Variants in CIP2A observed in about 807,000 individuals in gnomAD.
The protein encoded by CIP2A is cellular inhibitor of PP2A.
A neutral mutation model predicts 110.9 loss-of-function variants in CIP2A; 103 were observed. That is an observed-to-expected ratio of 0.93 (90% CI 0.79 to 1.09). The LOEUF (loss-of-function observed/expected upper bound fraction) is 1.09, where lower values mean the gene tolerates loss of function less well. Ranked by LOEUF, CIP2A falls within the 50% of genes least tolerant of loss-of-function variation. CIP2A has a pLI of 0.00. For missense variants in CIP2A, 1,088 were observed against 1,038.4 expected (o/e 1.05, Z -0.66); for synonymous variants, 381 against 361.6 (o/e 1.05, Z -0.61).
chr3:108,574,001 T>C (rs997698361), intron 8 of CIP2A, among the ~76,000 whole-genome samples: 4 of 152,066 alleles, frequency 2.6e-5, no homozygotes, highest in Admixed American at 6.6e-5. Flanking sequence ...CTTTGTGACT[T>C]TGTAATAGGC....
chr3:108,585,041 A>C, intron 2 of CIP2A, 24 bp downstream of exon 2: 1 of 1,592,132 alleles, frequency 6.3e-7, no homozygotes, highest in South Asian at 1.1e-5. Flanking sequence ...CCAAAAACTA[A>C]AAAGGAGAAA....
At position 108,584,113 on chromosome 3, in the gene CIP2A, C is replaced by A. The variant is rs564368098; in HGVS notation, c.250+952G>T. On this transcript the variant is annotated intron_variant, in intron 2 of 20. Transcript: ENST00000295746. The stretch of plus-strand genomic sequence containing the variant: ...TAATGGAATTTATCTAATAGAAACA[C>A]ACTAATATTTGAGCAAAATTACATA... Among the ~76,000 whole-genome samples, 5 of 152,240 alleles carry A rather than the reference C, an allele frequency of 3.3e-5. No individual in the cohort carries two copies. The South Asian group carries it at 8.3e-4, about 25-fold the overall frequency.
rs1052484982 is a variant in CIP2A, at chr3:108,551,088, C to T, written c.*61G>A. 7 of 679,514 alleles carry T rather than the reference C, an allele frequency of 1.0e-5. No individual in the cohort carries two copies. Among genetic ancestry groups the T allele is most frequent in the African/African-American group, 1.8e-5 (1 of 54,484 alleles). 42.1% of individuals were successfully genotyped at this position (679,514 alleles called of 1,614,324 possible). Reference sequence around the variant, plus strand: ...AAATTAACTCCCCTACCCACCCCCCCTCCAATAGATAAATACATCAAAAAT... The same window carrying T: ...AAATTAACTCCCCTACCCACCCCCCTTCCAATAGATAAATACATCAAAAAT... On this transcript the variant is annotated 3_prime_UTR_variant, in exon 21 of 21. Coordinates refer to ENST00000295746, the MANE Select transcript of CIP2A (RefSeq NM_020890.3).
intron 13 of CIP2A, 77 bp downstream of exon 13, chr3:108,563,049 T>A (rs565821217): frequency 2.3e-6 from 2 of 855,904 alleles, no homozygotes; most frequent in East Asian, 2.4e-5. Context: ...TGCTTGTGTA[T>A]CTATACTGAG....
At chr3:108,579,899 A>G (rs1203174675) in intron 5 of CIP2A, among the ~76,000 whole-genome samples, 1 of 152,202 alleles carries the variant, frequency 6.6e-6, no homozygotes, top group African/African-American at 2.4e-5. Flanking sequence ...GAGAGTACCT[A>G]CAGAAAAAAA....
chr3:108,575,242 G>T (rs899925244), intron 8 of CIP2A, among the ~76,000 whole-genome samples: 3 of 151,720 alleles, frequency 2.0e-5, no homozygotes, highest in African/African-American at 7.3e-5. Flanking sequence ...TTTATACAAA[G>T]TTCCAAAATA....
Position 108,563,466 on chromosome 3 carries a change from G to A in CIP2A, c.1516-222C>T, listed in dbSNP as rs955292302. ...CAATATGAACAGTTTAAAAAAATCT[G>A]GCAAAGGTTTTGAATGCTTTCAAAT... On this transcript the variant is annotated intron_variant, in intron 12 of 20. Coordinates refer to ENST00000295746, the MANE Select transcript of CIP2A (RefSeq NM_020890.3). Among the ~76,000 whole-genome samples, 3 of 151,890 alleles carry A rather than the reference G, an allele frequency of 2.0e-5. No homozygotes were observed. In the East Asian group the frequency reaches 5.8e-4, roughly 29 times the overall value.
At chr3:108,573,101 T>C (rs577923615) in intron 8 of CIP2A, among the ~76,000 whole-genome samples, 21 of 152,188 alleles carry the variant, frequency 1.4e-4, no homozygotes, top group African/African-American at 5.1e-4. Context: ...TTATATTAAT[T>C]TCTAAATGTT....
intron 1 of CIP2A, among the ~76,000 whole-genome samples, chr3:108,586,605 T>C (rs1939048317): frequency 6.6e-6 from 1 of 152,228 alleles, no homozygotes; most frequent in South Asian, 2.1e-4. Context: ...GGCATCGATC[T>C]AGGCACTTTA....
At chr3:108,554,258 T>A (rs938462722) in intron 18 of CIP2A, 118 bp downstream of exon 18, 2 of 552,042 alleles carry the variant, frequency 3.6e-6, no homozygotes, top group Non-Finnish European at 6.4e-6. Flanking sequence ...ATATCTTATA[T>A]CTAAAATAAG....
At chr3:108,574,217 G>A (rs1049194303) in intron 8 of CIP2A, among the ~76,000 whole-genome samples, 1 of 151,816 alleles carries the variant, frequency 6.6e-6, no homozygotes, top group Non-Finnish European at 1.5e-5. Flanking sequence ...AAACAGACAC[G>A]TCAAAGAACA....
rs1938901756 is a variant in CIP2A, at chr3:108,582,113, A to C, written c.447T>G (p.Asp149Glu). 7.1e-7 allele frequency: 1 copy of C among 1,399,052 alleles called. No homozygotes were observed. Among genetic ancestry groups the C allele is most frequent in the African/African-American group, 1.4e-5 (1 of 69,440 alleles). The allele number at this position is 1,399,052 out of a possible 1,614,324, so 86.7% of individuals were successfully genotyped here. A position where few individuals can be genotyped will look rare whatever the true frequency, so the allele number is the denominator to read the frequency against. ...NIDELITFLI[D>E]HIQSSEDELK... ...ATGTTTGATTGCATACTCACATGTG[A>C]TCTATCAGGAACGTAATTAATTCAT... is the stretch of plus-strand genomic sequence containing the variant. Residue 149 changes from aspartate (D) to glutamate (E), a missense_variant, in exon 4 of 21, where the codon GAT (aspartate) becomes GAG (glutamate). Physicochemically the swap from Asp to Glu is conservative, Grantham distance 45. Transcript: ENST00000295746.
Position 108,566,781 on chromosome 3 carries a change from C to T in CIP2A, c.1274-143G>A, listed in dbSNP as rs1417656733. On this transcript the variant is annotated intron_variant, in intron 10 of 20. Transcript: ENST00000295746. The stretch of plus-strand genomic sequence containing the variant: ...ATTAGCTCAATGACAAACAAGGAAA[C>T]TGAAACTCACACAATTTAAATGACT... 7.1e-5 allele frequency: 37 copies of T among 523,254 alleles called. No individual in the cohort carries two copies. The Admixed American group carries it at 1.6e-3, about 22-fold the overall frequency. The allele number at this position is 523,254 out of a possible 1,614,324, so 32.4% of individuals were successfully genotyped here. A position where few individuals can be genotyped will look rare whatever the true frequency, so the allele number is the denominator to read the frequency against.
chr3:108,562,896 T>A (rs1038407116), intron 13 of CIP2A, among the ~76,000 whole-genome samples: 4 of 152,142 alleles, frequency 2.6e-5, no homozygotes, highest in African/African-American at 9.6e-5. Context: ...CATAGAGGGA[T>A]AGTACCTGAA....
At chr3:108,561,266 C>T (rs1937996896) in intron 13 of CIP2A, among the ~76,000 whole-genome samples, 1 of 152,150 alleles carries the variant, frequency 6.6e-6, no homozygotes, top group Non-Finnish European at 1.5e-5. Context: ...CTCTCTTTCT[C>T]CTACCTCAGG....
intron 5 of CIP2A, among the ~76,000 whole-genome samples, chr3:108,580,331 G>A (rs1033959099): frequency 3.9e-5 from 6 of 152,028 alleles, no homozygotes; most frequent in Non-Finnish European, 7.4e-5. Flanking sequence ...TCTTGGTGAA[G>A]AGCAGTTTCT....
chr3:108,553,523 G>T, intron 19 of CIP2A, 125 bp downstream of exon 19: 1 of 796,510 alleles, frequency 1.3e-6, no homozygotes, highest in Non-Finnish European at 1.9e-6. Context: ...GAAAAGGGAA[G>T]CCATTCCAAA....
At chr3:108,551,849 G>A (rs1295340576) in intron 20 of CIP2A, among the ~76,000 whole-genome samples, 3 of 152,052 alleles carry the variant, frequency 2.0e-5, no homozygotes, top group Non-Finnish European at 4.4e-5. Context: ...TCACTTATTA[G>A]CTGTGTGACT....
At chr3:108,566,030 A>G (rs1278718864) in intron 11 of CIP2A, among the ~76,000 whole-genome samples, 1 of 151,720 alleles carries the variant, frequency 6.6e-6, no homozygotes, top group East Asian at 1.9e-4. Flanking sequence ...GTATAAAGTA[A>G]TATCTTATTA....
Sources: gnomAD v4.1 joint callset for allele counts (sites outside exome capture counted in the v4.1 genomes callset) on GRCh38, gnomAD v4.1.1 for gene constraint, MANE v1.5 for transcripts, NCBI Gene and HGNC (gene_info 2026-07-23, HGNC 2026-07-21) for gene names.